The following UVRAG variants were observed in gnomAD, a reference collection of about 807,000 sequenced individuals.
UVRAG encodes UV radiation resistance-associated gene protein.
In UVRAG, 19 loss-of-function variants were observed where a neutral mutation model predicts 78.0. The ratio of observed to expected loss-of-function variants is 0.24; its 90% CI spans 0.17 to 0.36. The LOEUF (loss-of-function observed/expected upper bound fraction) is 0.36. Among genes scored for constraint, UVRAG ranks in the 10% least tolerant of loss-of-function variants. The probability of loss-of-function intolerance (pLI) is 1.00; values close to 1 mark genes in which losing one functional copy is unlikely to be tolerated. For missense variants in UVRAG, 740 were observed against 853.8 expected (o/e 0.87, Z 1.66); for synonymous variants, 323 against 324.6 (o/e 1.00, Z 0.05).
intron 4 of UVRAG, among the ~76,000 whole-genome samples, chr11:75,886,938 G>A (rs1947090664): frequency 6.7e-6 from 1 of 150,094 alleles, no homozygotes; most frequent in African/African-American, 2.5e-5. Flanking sequence ...ATACTACTTC[G>A]AGTTTTTTTT....
chr11:75,825,581 A>G (rs1457938520), intron 1 of UVRAG, among the ~76,000 whole-genome samples: 1 of 152,298 alleles, frequency 6.6e-6, no homozygotes, highest in African/African-American at 2.4e-5. Flanking sequence ...CTTGTTTTCC[A>G]TCTTATTTTA....
intron 3 of UVRAG, among the ~76,000 whole-genome samples, chr11:75,867,322 C>T (rs777444693): frequency 9.2e-5 from 14 of 152,206 alleles, no homozygotes; most frequent in Non-Finnish European, 1.9e-4. Flanking sequence ...CCTCTCCAGT[C>T]GCTGTTACTT....
At chr11:75,850,313 G>A (rs746016821) in intron 1 of UVRAG, among the ~76,000 whole-genome samples, 8 of 152,178 alleles carry the variant, frequency 5.3e-5, no homozygotes, top group Non-Finnish European at 1.0e-4. Flanking sequence ...GGAAGGGCAG[G>A]AATCTTCTTT....
intron 7 of UVRAG, among the ~76,000 whole-genome samples, chr11:75,969,611 T>G (rs921370389): frequency 6.6e-6 from 1 of 152,158 alleles, no homozygotes; most frequent in African/African-American, 2.4e-5. Flanking sequence ...GAAAGGCATA[T>G]TTCATAGACC....
intron 12 of UVRAG, among the ~76,000 whole-genome samples, chr11:76,060,909 G>A (rs952815914): frequency 6.6e-6 from 1 of 152,224 alleles, no homozygotes; most frequent in African/African-American, 2.4e-5. Context: ...CTGCTCCATG[G>A]CGCCCAGTGC....
intron 5 of UVRAG, chr11:75,911,723 C>T (rs1026598247): frequency 2.7e-6 from 1 of 369,114 alleles, no homozygotes; most frequent in African/African-American, 2.1e-5. Context: ...GCTGGGCGCG[C>T]TCCTTCTCCA....
intron 12 of UVRAG, among the ~76,000 whole-genome samples, chr11:76,027,692 A>G (rs1344971556): frequency 6.6e-6 from 1 of 152,128 alleles, no homozygotes; most frequent in African/African-American, 2.4e-5. Flanking sequence ...ACTGTTATGT[A>G]TACGTTGAGC....
At position 76,140,866 on chromosome 11, in the gene UVRAG, C is replaced by T. The variant is rs769021967; in HGVS notation, c.1553C>T (p.Thr518Ile). 6.2e-6 allele frequency: 10 copies of T among 1,614,020 alleles called. No homozygotes were observed. Among genetic ancestry groups the T allele is most frequent in the Middle Eastern group, 1.6e-4 (1 of 6,084 alleles). Reference protein sequence around the residue: ...SSENERLQYKTPPPSYNSALA... With the variant: ...SSENERLQYKIPPPSYNSALA... Reference sequence around the variant, plus strand: ...GAGAATGAGAGACTTCAGTACAAAACCCCTCCTCCCAGTTACAACTCAGCA... The same window carrying T: ...GAGAATGAGAGACTTCAGTACAAAATCCCTCCTCCCAGTTACAACTCAGCA... The change falls in exon 15 of 15, where the codon ACC becomes ATC. Residue 518 changes from threonine (T) to isoleucine (I), a missense_variant. Transcript: ENST00000356136.
chr11:75,906,508 T>C (rs1438961398), intron 5 of UVRAG, among the ~76,000 whole-genome samples: 1 of 152,030 alleles, frequency 6.6e-6, no homozygotes, highest in East Asian at 1.9e-4. Context: ...CCATCATGCC[T>C]GGCTAATTTT....
At chr11:76,011,918 G>A (rs1390138261) in intron 11 of UVRAG, among the ~76,000 whole-genome samples, 2 of 152,168 alleles carry the variant, frequency 1.3e-5, no homozygotes, top group African/African-American at 4.8e-5. Flanking sequence ...TATCAGGAGC[G>A]ATCAGGAAAA....
chr11:75,974,942 A>C (rs913489457), intron 7 of UVRAG, among the ~76,000 whole-genome samples: 1 of 152,148 alleles, frequency 6.6e-6, no homozygotes, highest in Non-Finnish European at 1.5e-5. Flanking sequence ...TTAGACATGA[A>C]GTCCTTGCCC....
intron 7 of UVRAG, among the ~76,000 whole-genome samples, chr11:75,973,331 G>A (rs1211118852): frequency 6.6e-6 from 1 of 152,140 alleles, no homozygotes; most frequent in East Asian, 1.9e-4. Context: ...GCCTGTTGAT[G>A]TGATGAATTA....
chr11:76,032,081 A>G (rs1950447748), intron 12 of UVRAG, among the ~76,000 whole-genome samples: 1 of 152,176 alleles, frequency 6.6e-6, no homozygotes, highest in Non-Finnish European at 1.5e-5. Context: ...TGCAGTAGGT[A>G]ATTTGGGGGA....
At chr11:76,125,067 T>G (rs2134485657) in intron 14 of UVRAG, among the ~76,000 whole-genome samples, 1 of 152,336 alleles carries the variant, frequency 6.6e-6, no homozygotes, top group Middle Eastern at 3.4e-3. Flanking sequence ...ATCATCCTTA[T>G]GCTGAATTCA....
intron 8 of UVRAG, among the ~76,000 whole-genome samples, chr11:75,997,614 G>T (rs1949732040): frequency 2.0e-5 from 3 of 152,158 alleles, no homozygotes; most frequent in Non-Finnish European, 4.4e-5. Flanking sequence ...CATGGTAATG[G>T]TAGAAACAAA....
intron 7 of UVRAG, among the ~76,000 whole-genome samples, chr11:75,972,401 A>C (rs1358201843): frequency 2.0e-5 from 3 of 152,170 alleles, no homozygotes; most frequent in African/African-American, 7.2e-5. Context: ...TGAACGGTAT[A>C]AGACCTGTAT....
intron 12 of UVRAG, among the ~76,000 whole-genome samples, chr11:76,062,828 A>C (rs566451853): frequency 6.6e-6 from 1 of 152,304 alleles, no homozygotes; most frequent in Non-Finnish European, 1.5e-5. Flanking sequence ...ATTGTTATAA[A>C]CGTTCTCTAG....
intron 3 of UVRAG, among the ~76,000 whole-genome samples, chr11:75,862,923 G>T (rs998504505): frequency 6.6e-6 from 1 of 152,152 alleles, no homozygotes; most frequent in Non-Finnish European, 1.5e-5. Flanking sequence ...AATGAATAAA[G>T]GGTTATCAAT....
intron 12 of UVRAG, among the ~76,000 whole-genome samples, chr11:76,056,281 C>T (rs902598026): frequency 6.6e-6 from 1 of 152,172 alleles, no homozygotes; most frequent in Non-Finnish European, 1.5e-5. Context: ...CAGTTTTTGG[C>T]TATTGTGAGT....
Sources: allele counts gnomAD v4.1 joint callset (sites outside exome capture counted in the v4.1 genomes callset), GRCh38; gene constraint gnomAD v4.1.1; transcripts MANE v1.5; gene names NCBI Gene and HGNC (gene_info 2026-07-23, HGNC 2026-07-21).